Variants in MARCHF1 observed in about 807,000 individuals in gnomAD.
The protein encoded by MARCHF1 is E3 ubiquitin-protein ligase MARCHF1.
Under a neutral mutation model 54.2 loss-of-function variants are expected in MARCHF1, and 40 were observed. That is an observed-to-expected ratio of 0.74 (90% CI 0.57 to 0.96). The LOEUF (loss-of-function observed/expected upper bound fraction) is 0.96. Among genes scored for constraint, MARCHF1 ranks in the 40% least tolerant of loss-of-function variants. MARCHF1 has a pLI of 0.00. For missense variants in MARCHF1, 586 were observed against 656.5 expected (o/e 0.89, Z 1.17); for synonymous variants, 236 against 236.3 (o/e 1.00, Z 0.01).
intron 3 of MARCHF1, among the ~76,000 whole-genome samples, chr4:163,941,701 T>G (rs778821055): frequency 2.8e-4 from 43 of 152,144 alleles, no homozygotes; most frequent in Non-Finnish European, 1.3e-4. Context: ...AAAGAACAGT[T>G]TGTGCTTAAG....
intron 1 of MARCHF1, among the ~76,000 whole-genome samples, chr4:164,114,040 G>A (rs1182488986): frequency 2.0e-5 from 3 of 151,938 alleles, no homozygotes; most frequent in Non-Finnish European, 4.4e-5. Flanking sequence ...GACTTATAAA[G>A]GAGGGACAAG....
At chr4:163,933,118 C>A in intron 3 of MARCHF1, 1 of 1,098,130 alleles carries the variant, frequency 9.1e-7, no homozygotes, top group Non-Finnish European at 1.3e-6. Context: ...GAGGCCATTG[C>A]AGAACTTGAT....
intron 2 of MARCHF1, among the ~76,000 whole-genome samples, chr4:164,011,624 C>G (rs892933440): frequency 6.6e-6 from 1 of 152,162 alleles, no homozygotes; most frequent in Non-Finnish European, 1.5e-5. Context: ...CAGTTAATAA[C>G]AGATGCTGGC....
At chr4:164,056,046 T>C (rs904573350) in intron 2 of MARCHF1, among the ~76,000 whole-genome samples, 11 of 152,218 alleles carry the variant, frequency 7.2e-5, no homozygotes, top group African/African-American at 2.7e-4. Flanking sequence ...AAAGTCCCAC[T>C]GTAGCCTGCA....
chr4:164,099,093 CTT>C (rs1042144754), intron 2 of MARCHF1, among the ~76,000 whole-genome samples: 2 of 152,168 alleles, frequency 1.3e-5, no homozygotes, highest in African/African-American at 4.8e-5. Context: ...GATTCACAAT[CTT>C]TGCAAAATTT....
chr4:164,350,344 T>A (rs540167831), intron 1 of MARCHF1, among the ~76,000 whole-genome samples: 70 of 151,938 alleles, frequency 4.6e-4, no homozygotes, highest in African/African-American at 1.7e-3. Flanking sequence ...GTTAGTAAAG[T>A]GGGAAGGGTT....
At chr4:164,302,989 T>A (rs755319402) in intron 1 of MARCHF1, among the ~76,000 whole-genome samples, 1 of 152,152 alleles carries the variant, frequency 6.6e-6, no homozygotes, top group Non-Finnish European at 1.5e-5. Flanking sequence ...TATATTTTCA[T>A]GTTTACAATT....
At chr4:163,872,872 G>C (rs922800875) in intron 3 of MARCHF1, among the ~76,000 whole-genome samples, 3 of 151,790 alleles carry the variant, frequency 2.0e-5, no homozygotes, top group African/African-American at 7.3e-5. Context: ...GTGAAACCCC[G>C]CCTCTACTAA....
chr4:163,627,559 A>C (rs1741914560), intron 5 of MARCHF1, among the ~76,000 whole-genome samples: 1 of 152,166 alleles, frequency 6.6e-6, no homozygotes, highest in Non-Finnish European at 1.5e-5. Context: ...ATTTTAGAAA[A>C]TGTTGGGCCT....
intron 3 of MARCHF1, among the ~76,000 whole-genome samples, chr4:163,915,217 T>C (rs1751281501): frequency 6.6e-6 from 1 of 151,954 alleles, no homozygotes; most frequent in Admixed American, 6.6e-5. Context: ...TGTTTTGAAA[T>C]CCAAAAGTAG....
At chr4:164,032,835 C>G (rs1183006718) in intron 2 of MARCHF1, among the ~76,000 whole-genome samples, 2 of 152,012 alleles carry the variant, frequency 1.3e-5, no homozygotes, top group African/African-American at 4.8e-5. Context: ...GAAAAAGAGC[C>G]TGCAAAGCCA....
chr4:163,618,950 C>T (rs1290682423), intron 5 of MARCHF1, among the ~76,000 whole-genome samples: 1 of 152,010 alleles, frequency 6.6e-6, no homozygotes, highest in Non-Finnish European at 1.5e-5. Flanking sequence ...AAGGAGACGC[C>T]TGTCCAACAC....
chr4:163,632,352 G>A (rs1742122572), intron 5 of MARCHF1, among the ~76,000 whole-genome samples: 1 of 152,188 alleles, frequency 6.6e-6, no homozygotes, highest in Non-Finnish European at 1.5e-5. Context: ...ATCTCACTAG[G>A]TAGTGCCAGA....
intron 4 of MARCHF1, among the ~76,000 whole-genome samples, chr4:163,706,736 G>C (rs970272905): frequency 1.3e-5 from 2 of 151,796 alleles, no homozygotes; most frequent in Non-Finnish European, 2.9e-5. Context: ...TTCTGGAGAA[G>C]AAAGGAGGTA....
At chr4:163,576,740 G>A (rs1039757587) in intron 8 of MARCHF1, among the ~76,000 whole-genome samples, 4 of 151,798 alleles carry the variant, frequency 2.6e-5, no homozygotes, top group Admixed American at 6.6e-5. Context: ...TGTTGGGAAC[G>A]TATATATTTA....
At chr4:163,750,497 C>A (rs1267326602) in intron 4 of MARCHF1, among the ~76,000 whole-genome samples, 6 of 148,098 alleles carry the variant, frequency 4.1e-5, no homozygotes. Context: ...GGTGACAGAG[C>A]AAGACTCTGT....
At chr4:163,535,660 T>C (rs183113333) in intron 9 of MARCHF1, among the ~76,000 whole-genome samples, 26 of 152,184 alleles carry the variant, frequency 1.7e-4, no homozygotes, top group African/African-American at 5.5e-4. Context: ...TCCTGTATGC[T>C]AAGTAACACA....
At chr4:164,211,278 GTATA>G (rs10548085) in intron 1 of MARCHF1, among the ~76,000 whole-genome samples, 92,333 of 145,636 alleles carry the variant, frequency 0.63, 29,345 homozygotes, top group South Asian at 0.72. Flanking sequence ...TAATCTTTAT[GTATA>G]TATATATATA....
chr4:164,190,820 T>G (rs566773876), intron 1 of MARCHF1, among the ~76,000 whole-genome samples: 20 of 152,352 alleles, frequency 1.3e-4, no homozygotes, highest in African/African-American at 4.6e-4. Flanking sequence ...TCCTTCAGTC[T>G]TGAAGCAACA....
Sources: allele counts gnomAD v4.1 joint callset (sites outside exome capture counted in the v4.1 genomes callset), GRCh38; gene constraint gnomAD v4.1.1; transcripts MANE v1.5; gene names NCBI Gene and HGNC (gene_info 2026-07-23, HGNC 2026-07-21).